LRRC9: variants seen among roughly 807,000 people sequenced by gnomAD.
The protein encoded by LRRC9 is leucine-rich repeat-containing protein 9.
A neutral mutation model predicts 63.2 loss-of-function variants in LRRC9; 122 were observed. That is an observed-to-expected ratio of 1.93 (90% CI 1.67 to 2.24). The LOEUF is 2.24. Among genes scored for constraint, LRRC9 ranks in the 30% most tolerant of loss-of-function variants. LRRC9 has a pLI of 0.00. For synonymous variants in LRRC9, 366 were observed against 213.1 expected (o/e 1.72, Z -6.25); for missense variants, 1,071 against 627.7 (o/e 1.71, Z -7.55).
chr14:59,930,801 A>G lies in LRRC9; in HGVS notation c.268-117A>G, dbSNP rs951888665. On this transcript the variant is annotated intron_variant, in intron 3 of 31. Transcript: ENST00000445360. This position sits in a 1 kb window ranked among gnomAD's most constrained non-coding sequence, Gnocchi z 4.9. ...TTTAAAACAGTTCATTTTGCTGGATATTGATTTTGCAATAAAATATGATAT... is the reference window on the plus strand; with the variant it reads ...TTTAAAACAGTTCATTTTGCTGGATGTTGATTTTGCAATAAAATATGATAT... 1 of 254,598 alleles carries G rather than the reference A, an allele frequency of 3.9e-6. No homozygotes were observed. The highest frequency in any genetic ancestry group is 2.2e-5 in the African/African-American group (1 of 45,170). The allele number at this position is 254,598 out of a possible 1,614,324, so 15.8% of individuals were successfully genotyped here. A position where few individuals can be genotyped will look rare whatever the true frequency, so the allele number is the denominator to read the frequency against.
Position 59,938,517 on chromosome 14 carries a change from T to C in LRRC9, c.671T>C (p.Leu224Pro), listed in dbSNP as rs1401845534. 3 of 696,962 alleles carry C rather than the reference T, an allele frequency of 4.3e-6. No homozygotes were observed. In the South Asian group the frequency reaches 4.5e-5, roughly 10 times the overall value. 43.2% of individuals were successfully genotyped at this position (696,962 alleles called of 1,614,324 possible). A position where few individuals can be genotyped will look rare whatever the true frequency, so the allele number is the denominator to read the frequency against. Residue 224 changes from leucine (L) to proline (P), a missense_variant, in exon 7 of 32, where the codon CTT becomes CCT. Leu to Pro is a moderately conservative substitution (Grantham distance 98). Coordinates refer to ENST00000445360, the Ensembl canonical transcript of LRRC9. This position sits in a 1 kb window ranked among gnomAD's most constrained non-coding sequence, Gnocchi z 4.2. ...CATGTATTATATCATTTGCCTTGCC[T>C]TCAAAGATTTGACACATTGGATGTG... is the stretch of plus-strand genomic sequence containing the variant.
intron 29 of LRRC9, among the ~76,000 whole-genome samples, chr14:60,040,010 T>G (rs1405533668): frequency 6.6e-6 from 1 of 152,002 alleles, no homozygotes; most frequent in Admixed American, 6.5e-5. Context: ...TCTGCCTCCA[T>G]TTTGTTATGT....
At chr14:60,043,413 A>T (rs1455451668) in intron 29 of LRRC9, among the ~76,000 whole-genome samples, 1 of 152,130 alleles carries the variant, frequency 6.6e-6, no homozygotes, top group African/African-American at 2.4e-5. Context: ...CCTATTCATT[A>T]TGCTGCTAGT....
At chr14:59,954,119 C>T (rs549827759) in intron 8 of LRRC9, among the ~76,000 whole-genome samples, 6 of 152,132 alleles carry the variant, frequency 3.9e-5, no homozygotes, top group South Asian at 4.2e-4. Flanking sequence ...TATTCTTCTT[C>T]CTTAGAATTG....
At chr14:59,940,518 G>T (rs536574864) in intron 7 of LRRC9, among the ~76,000 whole-genome samples, 1 of 152,042 alleles carries the variant, frequency 6.6e-6, no homozygotes, top group Non-Finnish European at 1.5e-5. Context: ...AAGAGTTAGT[G>T]CAAGACAGAG....
chr14:60,026,360 G>T (rs1207401160), intron 27 of LRRC9, among the ~76,000 whole-genome samples: 1 of 152,070 alleles, frequency 6.6e-6, no homozygotes, highest in Non-Finnish European at 1.5e-5. Context: ...GATTAGTAAT[G>T]CTGAGCATTT....
rs1334621084 is a variant in LRRC9 at position 60,063,030 on chromosome 14, T to C, written c.4277-293T>C. 1.3e-5 allele frequency among the ~76,000 whole-genome samples: 2 copies of C among 152,104 alleles called. 1 individual carries two copies. Among genetic ancestry groups the C allele is most frequent in the East Asian group, 3.9e-4 (2 of 5,184 alleles). ...CCTCAGCCTCTCGAGTAGCTGGGAT[T>C]ACTACGGGCATGCGCCACCATGCCC... On this transcript the variant is annotated intron_variant, in intron 31 of 31. Transcript: ENST00000445360.
rs1232206604 is a variant in LRRC9 at position 59,958,755 on chromosome 14, T to C, written c.883-1063T>C. The stretch of plus-strand genomic sequence containing the variant: ...CTTGAAACACAGAGCCCTGGTGGTA[T>C]AGGCACACGAGGGAATCTCCTGATC... On this transcript the variant is annotated intron_variant, in intron 8 of 31. Coordinates refer to ENST00000445360, the Ensembl canonical transcript of LRRC9. This position sits in a 1 kb window ranked among gnomAD's most constrained non-coding sequence, Gnocchi z 4.0. 6.6e-6 allele frequency among the ~76,000 whole-genome samples: 1 copy of C among 152,226 alleles called. No individual in the cohort carries two copies. The highest frequency in any genetic ancestry group is 1.5e-5 in the Non-Finnish European group (1 of 68,026).
chr14:60,001,968 A>C (rs751444228), exon 20 of LRRC9: 6 of 653,848 alleles, frequency 9.2e-6, no homozygotes, highest in South Asian at 3.4e-5. Flanking sequence ...TTTATTAGTT[A>C]TCTCTCTTAC....
At chr14:60,034,266 C>T (rs1892245571) in intron 29 of LRRC9, among the ~76,000 whole-genome samples, 1 of 151,912 alleles carries the variant, frequency 6.6e-6, no homozygotes, top group African/African-American at 2.4e-5. Flanking sequence ...ATCCACCTGC[C>T]TCGGCCTCCC....
chr14:60,063,043 C>G (rs1040460936), intron 31 of LRRC9, among the ~76,000 whole-genome samples: 1 of 152,066 alleles, frequency 6.6e-6, no homozygotes, highest in Admixed American at 6.6e-5. Context: ...TACGGGCATG[C>G]GCCACCATGC....
chr14:59,927,577 T>C lies in LRRC9; in HGVS notation c.-33-334T>C, dbSNP rs1204876855. The stretch of plus-strand genomic sequence containing the variant: ...AAACATGAGTATATAGTGAGAGAAC[T>C]AACAACTTGAACTGGGAGTAAGATA... On this transcript the variant is annotated intron_variant, in intron 1 of 31. Coordinates refer to ENST00000445360, the Ensembl canonical transcript of LRRC9. The surrounding 1 kb of genome is among the most constrained non-coding windows in gnomAD (Gnocchi z 4.4). Among the ~76,000 whole-genome samples, 1 of 151,976 alleles carries C rather than the reference T, an allele frequency of 6.6e-6. No individual in the cohort carries two copies. Among genetic ancestry groups the C allele is most frequent in the Non-Finnish European group, 1.5e-5 (1 of 67,910 alleles).
At chr14:60,002,252 C>G (rs1412852935) in intron 20 of LRRC9, among the ~76,000 whole-genome samples, 152 bp downstream of exon 20, 1 of 152,176 alleles carries the variant, frequency 6.6e-6, no homozygotes, top group East Asian at 1.9e-4. Flanking sequence ...CACTTAAGAT[C>G]TACCCTCTTG....
At position 60,003,581 on chromosome 14, in the gene LRRC9, T is replaced by C; in HGVS notation, c.2665-40T>C. 1.9e-6 allele frequency: 1 copy of C among 531,750 alleles called. No individual in the cohort carries two copies. Among genetic ancestry groups the C allele is most frequent in the Non-Finnish European group, 3.3e-6 (1 of 304,190 alleles). 32.9% of individuals were successfully genotyped at this position (531,750 alleles called of 1,614,324 possible). A position where few individuals can be genotyped will look rare whatever the true frequency, so the allele number is the denominator to read the frequency against. On this transcript the variant is annotated intron_variant, in intron 20 of 31. Transcript: ENST00000445360. This position sits in a 1 kb window ranked among gnomAD's most constrained non-coding sequence, Gnocchi z 4.2. ...ATGTTATTAACATTGACTGAATTTA[T>C]AAGATTTAGAAATAACATACAATGT... is the stretch of plus-strand genomic sequence containing the variant.
chr14:60,050,960 C>G (rs940105629), intron 29 of LRRC9, among the ~76,000 whole-genome samples: 4 of 152,220 alleles, frequency 2.6e-5, no homozygotes, highest in Non-Finnish European at 5.9e-5. Context: ...TCTGTAAGCT[C>G]CATCCCAGGG....
chr14:59,971,324 T>G (rs1384641333), intron 12 of LRRC9, among the ~76,000 whole-genome samples: 1 of 152,172 alleles, frequency 6.6e-6, no homozygotes, highest in Non-Finnish European at 1.5e-5. Context: ...TGCCGTTTTC[T>G]TACTGTAGAC....
intron 15 of LRRC9, among the ~76,000 whole-genome samples, chr14:59,979,823 G>C (rs201186447): frequency 3.2e-5 from 4 of 124,360 alleles, no homozygotes; most frequent in East Asian, 5.6e-4. Flanking sequence ...GTTGTGGGGT[G>C]GGGGGAGGGG....
chr14:60,038,333 T>C lies in LRRC9; in HGVS notation c.3990+6270T>C, dbSNP rs558702224. The stretch of plus-strand genomic sequence containing the variant: ...CGTTGGTAGCTTGATGGGGATGGCA[T>C]TGAATCTATAAATTACATTGGGCAG... On this transcript the variant is annotated intron_variant, in intron 29 of 31. Transcript: ENST00000445360. Among the ~76,000 whole-genome samples the C allele has an allele frequency of 2.6e-5, 4 of 152,328 alleles. No individual in the cohort carries two copies. In the East Asian group the frequency reaches 7.7e-4, roughly 29 times the overall value.
Position 59,942,098 on chromosome 14 carries a change from A to G in LRRC9, c.727-2491A>G, listed in dbSNP as rs567312135. On this transcript the variant is annotated intron_variant, in intron 7 of 31. Transcript: ENST00000445360. This position sits in a 1 kb window ranked among gnomAD's most constrained non-coding sequence, Gnocchi z 5.3. The stretch of plus-strand genomic sequence containing the variant: ...CTGTGCTTGACTTATTTCGCTTAAC[A>G]TAATGTCCTCCAGGCTCAACCATGT... Among the ~76,000 whole-genome samples, 5 of 152,326 alleles carry G rather than the reference A, an allele frequency of 3.3e-5. No homozygotes were observed. The East Asian group carries it at 7.7e-4, about 23-fold the overall frequency.
Sources: gnomAD v4.1 joint callset for allele counts (sites outside exome capture counted in the v4.1 genomes callset) on GRCh38, gnomAD v4.1.1 for gene constraint, Gnocchi (gnomAD v3.1) non-coding constraint, MANE v1.5 for transcripts, NCBI Gene and HGNC (gene_info 2026-07-23, HGNC 2026-07-21) for gene names.